SOX6: variants seen among roughly 807,000 people sequenced by gnomAD.
The protein encoded by SOX6 is SRY-box transcription factor 6, also known as transcription factor SOX-6.
In SOX6, 11 loss-of-function variants were observed where a neutral mutation model predicts 97.8. That is an observed-to-expected ratio of 0.11 (90% CI 0.07 to 0.19). SOX6 has a LOEUF of 0.19. Ranked by LOEUF, SOX6 falls within the 10% of genes least tolerant of loss-of-function variation. The pLI is 1.00. For synonymous variants in SOX6, 360 were observed against 371.4 expected (o/e 0.97, Z 0.35); for missense variants, 810 against 1,039.5 (o/e 0.78, Z 3.04).
chr11:16,219,995 T>G (rs963699217), intron 4 of SOX6, among the ~76,000 whole-genome samples: 57 of 152,216 alleles, frequency 3.7e-4, no homozygotes, highest in African/African-American at 1.3e-3. Flanking sequence ...TAAAACTATA[T>G]GTTTATTCAA....
At position 16,046,785 on chromosome 11, in the gene SOX6, C is replaced by A. The variant is rs974681326; in HGVS notation, c.1436-84G>T. On this transcript the variant is annotated intron_variant, in intron 11 of 15. Transcript: ENST00000683767. ...CTACTATCCCCTCCCCTGTAGAAAG[C>A]TGCATTCTCTGAACAAGGAAGGGGT... 11 of 1,346,664 alleles carry A rather than the reference C, an allele frequency of 8.2e-6. No individual in the cohort carries two copies. In the East Asian group the frequency reaches 2.5e-4, roughly 31 times the overall value. The allele number at this position is 1,346,664 out of a possible 1,614,324, so 83.4% of individuals were successfully genotyped here.
chr11:16,022,331 TTTCCTTCCTTCCTTCC>T (rs71044083), intron 12 of SOX6, among the ~76,000 whole-genome samples: 5 of 113,840 alleles, frequency 4.4e-5, no homozygotes, highest in Non-Finnish European at 7.1e-5. Context: ...TCCTTCCTTC[TTTCCTTCCTTCCTTCC>T]TTCCTTCCTT....
At chr11:16,341,387 T>TCTAAACCCCC in intron 1 of SOX6, 135 bp from the exon 2 acceptor site, 1 of 1,261,736 alleles carries the variant, frequency 7.9e-7, no homozygotes, top group East Asian at 2.5e-5. Flanking sequence ...TCTAAACCCC[T>TCTAAACCCCC]GAAAAAGAAC....
chr11:16,146,188 A>T (rs1463860141), intron 6 of SOX6, among the ~76,000 whole-genome samples: 2 of 152,184 alleles, frequency 1.3e-5, no homozygotes, highest in Non-Finnish European at 2.9e-5. Context: ...AGCCCTCAGA[A>T]ATAATACCAC....
At chr11:16,250,807 A>T (rs1000489835) in intron 3 of SOX6, among the ~76,000 whole-genome samples, 4 of 152,070 alleles carry the variant, frequency 2.6e-5, no homozygotes, top group Admixed American at 6.5e-5. Flanking sequence ...AAATAATAAG[A>T]TTAACTTACA....
At position 16,726,179 on chromosome 11, in the gene SOX6, C is replaced by A. The variant is rs184749826; in HGVS notation, n.353+10160G>T. Among the ~76,000 whole-genome samples the A allele has an allele frequency of 4.4e-3, 647 of 146,290 alleles. 1 individual carries two copies. Among genetic ancestry groups the A allele is most frequent in the African/African-American group, 0.015 (618 of 41,304 alleles). On this transcript the variant is annotated intron_variant and non_coding_transcript_variant, in intron 2 of 5. Transcript: ENST00000524520. ...ATCCCAGTACTTTGGGAGGCCAAGG[C>A]GGGAGGATTACTTGAGGTTGGGAGT...
At chr11:16,185,475 TACTATCATCC>T (rs1189458040) in intron 5 of SOX6, among the ~76,000 whole-genome samples, 2 of 152,178 alleles carry the variant, frequency 1.3e-5, no homozygotes, top group African/African-American at 4.8e-5. Flanking sequence ...ACAGTGCAAT[TACTATCATCC>T]ACTCTAGACG....
Position 16,175,491 on chromosome 11 carries a change from A to G in SOX6, c.777+8395T>C, listed in dbSNP as rs561821419. On this transcript the variant is annotated intron_variant, in intron 6 of 15. Coordinates refer to ENST00000683767, the MANE Select transcript of SOX6 (RefSeq NM_001367873.1). ...TTGTTATTTAAACCCTAATTTATTTATCTCCAATACCTGCACTGGTTCTAT... is the reference window on the plus strand; with the variant it reads ...TTGTTATTTAAACCCTAATTTATTTGTCTCCAATACCTGCACTGGTTCTAT... Among the ~76,000 whole-genome samples, 4 of 152,032 alleles carry G rather than the reference A, an allele frequency of 2.6e-5. No homozygotes were observed. In the East Asian group the frequency reaches 7.8e-4, roughly 29 times the overall value.
At chr11:16,542,353 T>C (rs548833714) in intron 4 of SOX6, among the ~76,000 whole-genome samples, 1 of 152,204 alleles carries the variant, frequency 6.6e-6, no homozygotes, top group Admixed American at 6.5e-5. Flanking sequence ...TTAGGAGAAA[T>C]ACCTAATGTA....
intron 3 of SOX6, among the ~76,000 whole-genome samples, chr11:16,640,554 T>A (rs1453784986): frequency 6.6e-6 from 1 of 152,184 alleles, no homozygotes; most frequent in Admixed American, 6.5e-5. Context: ...CTTTTTTTGG[T>A]TGGTAAGCTA....
At chr11:16,307,049 C>T (rs1855463478) in intron 3 of SOX6, among the ~76,000 whole-genome samples, 1 of 152,120 alleles carries the variant, frequency 6.6e-6, no homozygotes, top group Non-Finnish European at 1.5e-5. Flanking sequence ...TATATGTTTG[C>T]GCAAGTGCAA....
In SOX6 at chr11:16,076,289, T is replaced by C. The variant is rs575025341; in HGVS notation, c.1101+19707A>G. 1.4e-3 allele frequency among the ~76,000 whole-genome samples: 212 copies of C among 150,512 alleles called. 1 individual carries two copies. The highest frequency in any genetic ancestry group is 4.8e-3 in the African/African-American group (198 of 40,876). On this transcript the variant is annotated intron_variant, in intron 9 of 15. Transcript: ENST00000683767. ...TCTAATTAAAGACCTTCTGCAAAGC[T>C]AAAGAAATTATCAACAGAATAAATA... is the stretch of plus-strand genomic sequence containing the variant.
chr11:16,258,553 G>A (rs1853766282), intron 3 of SOX6, among the ~76,000 whole-genome samples: 1 of 151,916 alleles, frequency 6.6e-6, no homozygotes, highest in Non-Finnish European at 1.5e-5. Context: ...CCAGGGATTG[G>A]GGGAGGGATG....
At chr11:15,981,649 A>T (rs1483396965) in intron 15 of SOX6, among the ~76,000 whole-genome samples, 6 of 152,198 alleles carry the variant, frequency 3.9e-5, no homozygotes, top group East Asian at 1.9e-4. Context: ...GACAATACTT[A>T]AAAAAGCATG....
At chr11:16,007,479 G>T (rs1854589651) in intron 13 of SOX6, among the ~76,000 whole-genome samples, 1 of 152,078 alleles carries the variant, frequency 6.6e-6, no homozygotes, top group Non-Finnish European at 1.5e-5. Context: ...AACTGGGGGA[G>T]GACTGGGTGG....
chr11:16,315,771 G>C (rs1156553321), intron 3 of SOX6: 1 of 152,134 alleles, frequency 6.6e-6, no homozygotes, highest in Non-Finnish European at 1.5e-5. Flanking sequence ...AATCTTTAAA[G>C]ACACCATCAT....
At chr11:16,721,379 T>C (rs1249103344) in intron 2 of SOX6, among the ~76,000 whole-genome samples, 1 of 152,136 alleles carries the variant, frequency 6.6e-6, no homozygotes, top group Admixed American at 6.5e-5. Flanking sequence ...TGGGGAACTT[T>C]TTTTCTCCCC....
chr11:15,994,280 C>A (rs73417041), intron 13 of SOX6, among the ~76,000 whole-genome samples: 2,660 of 151,496 alleles, frequency 0.018, 78 homozygotes, highest in African/African-American at 0.061. Flanking sequence ...GCTTGAGCAG[C>A]ATCTTAAAGG....
chr11:16,020,981 CA>C (rs1855041130), intron 12 of SOX6, among the ~76,000 whole-genome samples: 1 of 151,844 alleles, frequency 6.6e-6, no homozygotes, highest in South Asian at 2.1e-4. Context: ...CAATAATAAT[CA>C]AAACAAGGAA....
Sources: allele counts gnomAD v4.1 joint callset (sites outside exome capture counted in the v4.1 genomes callset), GRCh38; gene constraint gnomAD v4.1.1; transcripts MANE v1.5; gene names NCBI Gene and HGNC (gene_info 2026-07-23, HGNC 2026-07-21).